Variants in PMS1 observed in about 807,000 individuals in gnomAD.
The protein encoded by PMS1 is PMS1 homolog 1, mismatch repair system component, also known as PMS1 protein homolog 1.
Under a neutral mutation model 93.1 loss-of-function variants are expected in PMS1, and 79 were observed. That is an observed-to-expected ratio of 0.85 (90% CI 0.71 to 1.02). The LOEUF is 1.02. Ranked by LOEUF, PMS1 falls within the 50% of genes least tolerant of loss-of-function variation. The pLI, the probability that PMS1 is intolerant of heterozygous loss-of-function variation, is 0.00. For missense variants in PMS1, 1,064 were observed against 1,085.3 expected (o/e 0.98, Z 0.28); for synonymous variants, 335 against 363.4 (o/e 0.92, Z 0.89).
At chr2:189,859,932 C>T (rs192971843) in intron 9 of PMS1, among the ~76,000 whole-genome samples, 8 of 152,172 alleles carry the variant, frequency 5.3e-5, no homozygotes, top group Non-Finnish European at 1.0e-4. Context: ...AAAAATTTTC[C>T]TTAATGTTGT....
intron 6 of PMS1, among the ~76,000 whole-genome samples, chr2:189,850,973 T>C (rs1284679733): frequency 6.6e-6 from 1 of 152,186 alleles, no homozygotes; most frequent in Non-Finnish European, 1.5e-5. Context: ...TCAATTTTTG[T>C]TATGCTTTTT....
At chr2:189,857,126 T>C (rs1167444303) in intron 9 of PMS1, among the ~76,000 whole-genome samples, 2 of 152,134 alleles carry the variant, frequency 1.3e-5, no homozygotes, top group Admixed American at 1.3e-4. Context: ...TGATACAAGA[T>C]CAATTACTAA....
At chr2:189,824,938 A>T (rs528511555) in intron 5 of PMS1, among the ~76,000 whole-genome samples, 19 of 152,212 alleles carry the variant, frequency 1.2e-4, no homozygotes, top group African/African-American at 4.3e-4. Flanking sequence ...TCTTTTAAGC[A>T]TGCCTACTTT....
At chr2:189,788,236 T>A (rs1233669230) in intron 1 of PMS1, among the ~76,000 whole-genome samples, 1 of 152,186 alleles carries the variant, frequency 6.6e-6, no homozygotes, top group Non-Finnish European at 1.5e-5. Context: ...GGAAGACTTC[T>A]TGAACCCAGG....
At chr2:189,858,455 A>G (rs1040152886) in intron 9 of PMS1, among the ~76,000 whole-genome samples, 6 of 152,154 alleles carry the variant, frequency 3.9e-5, no homozygotes, top group African/African-American at 1.4e-4. Flanking sequence ...TTTTCCATTC[A>G]AGTTACTAAA....
chr2:189,861,565 C>T (rs574727297), intron 9 of PMS1, among the ~76,000 whole-genome samples: 2 of 152,136 alleles, frequency 1.3e-5, no homozygotes, highest in African/African-American at 4.8e-5. Flanking sequence ...GCCTGGCCAA[C>T]ATGGCGAAAC....
At position 189,791,948 on chromosome 2, in the gene PMS1, G is replaced by A. The variant is rs1461439163; in HGVS notation, c.132+7G>A. The stretch of plus-strand genomic sequence containing the variant: ...AAGCGTAGATGTTAAACTGGTGAGT[G>A]TCCTTGAGAACCCAAATACCTTTAA... On this transcript the variant is annotated splice_region_variant and intron_variant, in intron 2 of 12. Coordinates refer to ENST00000441310, the MANE Select transcript of PMS1 (RefSeq NM_000534.5). 6.2e-7 allele frequency: 1 copy of A among 1,613,500 alleles called. No individual in the cohort carries two copies. The highest frequency in any genetic ancestry group is 8.5e-7 in the Non-Finnish European group (1 of 1,179,472).
intron 1 of PMS1, among the ~76,000 whole-genome samples, chr2:189,787,514 C>T (rs1429214148): frequency 6.6e-6 from 1 of 151,960 alleles, no homozygotes; most frequent in African/African-American, 2.4e-5. Context: ...TTACAGTTAT[C>T]TTACATTGAT....
rs5743059 is a variant in PMS1, at chr2:189,826,862, C to G, written c.582+8682C>G. Among the ~76,000 whole-genome samples the G allele has an allele frequency of 5.9e-3, 903 of 152,176 alleles. 11 individuals carry two copies. Among genetic ancestry groups the G allele is most frequent in the African/African-American group, 0.021 (860 of 41,528 alleles). On this transcript the variant is annotated intron_variant, in intron 5 of 12. Transcript: ENST00000441310. ...TAAATTAATTAGGTAGTGTTAAAGCCAAAATAGTAAGTGTATGAAACACTA... is the reference window on the plus strand; with the variant it reads ...TAAATTAATTAGGTAGTGTTAAAGCGAAAATAGTAAGTGTATGAAACACTA...
chr2:189,808,701 A>G (rs989487785), intron 4 of PMS1, among the ~76,000 whole-genome samples: 9 of 152,130 alleles, frequency 5.9e-5, no homozygotes, highest in African/African-American at 2.2e-4. Context: ...CTAGGTGTAT[A>G]TTTGTTTTAT....
chr2:189,832,353 A>G (rs1234618958), intron 5 of PMS1, among the ~76,000 whole-genome samples: 2 of 152,248 alleles, frequency 1.3e-5, no homozygotes, highest in Admixed American at 6.5e-5. Flanking sequence ...TTACAAAGCA[A>G]TAGCAGCTTG....
chr2:189,813,849 T>G (rs2051047829), intron 4 of PMS1, among the ~76,000 whole-genome samples: 1 of 152,200 alleles, frequency 6.6e-6, no homozygotes, highest in Admixed American at 6.5e-5. Flanking sequence ...TGGAAGTGTT[T>G]TTTTCTTTTT....
At chr2:189,843,906 C>T in intron 5 of PMS1, 58 bp from the exon 6 acceptor site, 1 of 1,456,326 alleles carries the variant, frequency 6.9e-7, no homozygotes, top group Non-Finnish European at 9.6e-7. Flanking sequence ...ATACTGACTT[C>T]TTGAGTTTAG....
In PMS1 at chr2:189,877,619, T is replaced by C. The variant is rs914272168; in HGVS notation, c.*183T>C. ...TGTAGAAAACGTAAATAAACTAATA[T>C]AGACTATTCATTTGATTCTCAAGAA... On this transcript the variant is annotated 3_prime_UTR_variant, in exon 13 of 13. Coordinates refer to ENST00000441310, the MANE Select transcript of PMS1 (RefSeq NM_000534.5). 33 of 563,134 alleles carry C rather than the reference T, an allele frequency of 5.9e-5. 1 individual carries two copies. Among genetic ancestry groups the C allele is most frequent in the South Asian group, 3.2e-4 (14 of 44,238 alleles). 34.9% of individuals were successfully genotyped at this position (563,134 alleles called of 1,614,324 possible). A position where few individuals can be genotyped will look rare whatever the true frequency, so the allele number is the denominator to read the frequency against.
In PMS1 at chr2:189,852,688, G is replaced by A. The variant is rs918372266; in HGVS notation, c.733G>A (p.Ala245Thr). 2 of 1,593,352 alleles carry A rather than the reference G, an allele frequency of 1.3e-6. No homozygotes were observed. Among genetic ancestry groups the A allele is most frequent in the African/African-American group, 2.7e-5 (2 of 74,398 alleles). The change falls in exon 7 of 13, where the codon GCA becomes ACA. Residue 245 changes from alanine to threonine, a missense_variant. By Grantham distance (58) the Ala-to-Thr change is moderately conservative (BLOSUM62 0). Transcript: ENST00000441310. ...YLSGFLPKCD[A>T]DHSFTSLSTP... ...CAGTGGATTTCTTCCAAAGTGTGAT[G>A]CAGACCACTCTTTCACTAGTCTTTC...
At chr2:189,806,238 A>T (rs886558526) in intron 4 of PMS1, 1 of 259,532 alleles carries the variant, frequency 3.9e-6, no homozygotes, top group Non-Finnish European at 7.5e-6. Flanking sequence ...TTATCAATTC[A>T]TTGCTAAAGT....
At chr2:189,869,964 G>T (rs1234519586) in intron 11 of PMS1, among the ~76,000 whole-genome samples, 1 of 151,912 alleles carries the variant, frequency 6.6e-6, no homozygotes, top group South Asian at 2.1e-4. Context: ...CTCTTAGCTT[G>T]TAAGTAGTAT....
chr2:189,786,882 G>A (rs758507973), intron 1 of PMS1, among the ~76,000 whole-genome samples: 1 of 151,880 alleles, frequency 6.6e-6, no homozygotes, highest in Non-Finnish European at 1.5e-5. Flanking sequence ...TGAAACCTTG[G>A]CTCTACTAAA....
intron 10 of PMS1, among the ~76,000 whole-genome samples, chr2:189,866,100 G>C (rs762144290): frequency 6.6e-6 from 1 of 152,144 alleles, no homozygotes; most frequent in African/African-American, 2.4e-5. Context: ...TTAGAAAATA[G>C]TGTCTTAGGC....
Sources: gnomAD v4.1 joint callset for allele counts (sites outside exome capture counted in the v4.1 genomes callset) on GRCh38, gnomAD v4.1.1 for gene constraint, MANE v1.5 for transcripts, NCBI Gene and HGNC (gene_info 2026-07-23, HGNC 2026-07-21) for gene names.